GIPC3: variants seen among roughly 807,000 people sequenced by gnomAD.
GIPC3 encodes PDZ domain-containing protein GIPC3.
Under a neutral mutation model 27.3 loss-of-function variants are expected in GIPC3, and 16 were observed. The observed-to-expected ratio is 0.59, with a 90% CI of 0.40 to 0.89. The LOEUF (loss-of-function observed/expected upper bound fraction) is 0.89. Among genes scored for constraint, GIPC3 ranks in the 40% least tolerant of loss-of-function variants. The probability of loss-of-function intolerance (pLI) is 0.00; values close to 1 mark genes in which losing one functional copy is unlikely to be tolerated. For missense variants in GIPC3, 440 were observed against 442.1 expected, an observed-to-expected ratio of 1.00 and a Z score of 0.04; for synonymous variants, 194 against 184.6, an observed-to-expected ratio of 1.05 and a Z score of -0.41.
Position 3,591,878 on chromosome 19 carries a change from A to G in GIPC3, c.*1688A>G. Reference sequence around the variant, plus strand: ...GTGCCAAGCCCCACTCTCCTTGCACAATGCAGCTCAGCTCTAGAATGCAGT... The same window carrying G: ...GTGCCAAGCCCCACTCTCCTTGCACGATGCAGCTCAGCTCTAGAATGCAGT... On this transcript the variant is annotated 3_prime_UTR_variant, in exon 6 of 6. Coordinates refer to ENST00000644452, the MANE Select transcript of GIPC3 (RefSeq NM_133261.3). 1 of 1,232,584 alleles carries G rather than the reference A, an allele frequency of 8.1e-7. No individual in the cohort carries two copies. The highest frequency in any genetic ancestry group is 1.0e-6 in the Non-Finnish European group (1 of 988,426). The allele number at this position is 1,232,584 out of a possible 1,614,324, so 76.4% of individuals were successfully genotyped here. A position where few individuals can be genotyped will look rare whatever the true frequency, so the allele number is the denominator to read the frequency against.
chr19:3,592,944 A>G lies in GIPC3; in HGVS notation c.*2754A>G, dbSNP rs1322250649. 1 of 336,454 alleles carries G rather than the reference A, an allele frequency of 3.0e-6. No individual in the cohort carries two copies. The highest frequency in any genetic ancestry group is 1.0e-4 in the African/African-American group (1 of 9,664). The allele number at this position is 336,454 out of a possible 1,614,324, so 20.8% of individuals were successfully genotyped here. On this transcript the variant is annotated 3_prime_UTR_variant, in exon 6 of 6. Coordinates refer to ENST00000644452, the MANE Select transcript of GIPC3 (RefSeq NM_133261.3). Reference sequence around the variant, plus strand: ...ACCTCAGCCCCCAGGCCCATCCCCCAGAGACCCCACCCCAGCCCCTAGCAA... The same window carrying G: ...ACCTCAGCCCCCAGGCCCATCCCCCGGAGACCCCACCCCAGCCCCTAGCAA...
chr19:3,586,072 C>T (rs2032357920), intron 1 of GIPC3, among the ~76,000 whole-genome samples: 1 of 152,212 alleles, frequency 6.6e-6, no homozygotes, highest in Admixed American at 6.5e-5. Context: ...CCAGAAAATC[C>T]TCTGCGCAGA....
At position 3,590,272 on chromosome 19, in the gene GIPC3, C is replaced by A; in HGVS notation, c.*82C>A. 6.6e-7 allele frequency: 1 copy of A among 1,513,352 alleles called. No individual in the cohort carries two copies. Among genetic ancestry groups the A allele is most frequent in the East Asian group, 2.5e-5 (1 of 40,482 alleles). 93.7% of individuals were successfully genotyped at this position (1,513,352 alleles called of 1,614,324 possible). A position where few individuals can be genotyped will look rare whatever the true frequency, so the allele number is the denominator to read the frequency against. ...CCCTGCTCCAGAACCCAGCCCAGAT[C>A]GGAGGACAAGTTCCTCTCTAGAACC... On this transcript the variant is annotated 3_prime_UTR_variant, in exon 6 of 6. Coordinates refer to ENST00000644452, the MANE Select transcript of GIPC3 (RefSeq NM_133261.3).
Position 3,589,464 on chromosome 19 carries a change from G to A in GIPC3, c.614G>A (p.Arg205Gln), listed in dbSNP as rs201268436. The change falls in exon 4 of 6, where the codon CGG becomes CAG. Residue 205 changes from arginine (R) to glutamine (Q), a missense_variant. Physicochemically the swap from Arg to Gln is conservative, Grantham distance 43. Transcript: ENST00000644452. ...RAFDMIGQRS[R>Q]SSKCPVEAKV... ...CCAGATATGATTGGCCAGAGAAGTC[G>A]GTCCAGCAAATGTCCAGTAGAGGCG... 39 of 1,613,904 alleles carry A rather than the reference G, an allele frequency of 2.4e-5. No individual in the cohort carries two copies. The highest frequency in any genetic ancestry group is 1.7e-4 in the Admixed American group (10 of 60,000).
Position 3,592,379 on chromosome 19 carries a change from A to C in GIPC3, c.*2189A>C, listed in dbSNP as rs1183056378. 11 of 1,231,866 alleles carry C rather than the reference A, an allele frequency of 8.9e-6. No individual in the cohort carries two copies. The highest frequency in any genetic ancestry group is 1.1e-5 in the Non-Finnish European group (11 of 987,890). The allele number at this position is 1,231,866 out of a possible 1,614,324, so 76.3% of individuals were successfully genotyped here. On this transcript the variant is annotated 3_prime_UTR_variant, in exon 6 of 6. Transcript: ENST00000644452. ...CCAGCTCTGGGACCCAGATAAGCTCAAGAATTCAAGCCAGCTCTGGAAGTC... is the reference window on the plus strand; with the variant it reads ...CCAGCTCTGGGACCCAGATAAGCTCCAGAATTCAAGCCAGCTCTGGAAGTC...
In GIPC3 at chr19:3,590,058, G is replaced by A. The variant is rs141419242; in HGVS notation, c.807G>A (p.Thr269=). The A allele has an allele frequency of 2.6e-4, 418 of 1,612,260 alleles. No homozygotes were observed. The highest frequency in any genetic ancestry group is 1.8e-3 in the East Asian group (79 of 44,850). The change falls in exon 6 of 6, where the codon ACG becomes ACA. Residue 269 remains threonine, a synonymous_variant. Coordinates refer to ENST00000644452, the MANE Select transcript of GIPC3 (RefSeq NM_133261.3). ...CCGCAGCGTCCACCATGGTGGAGAC[G>A]TCCAAGAAGACAGCGAGCGCCCAGG... is the stretch of plus-strand genomic sequence containing the variant. ...DPELASTMVE[T]SKKTASAQEF...
At chr19:3,586,410 TG>T (rs954901277) in intron 1 of GIPC3, 84 bp from the exon 2 acceptor site, 17 of 1,261,388 alleles carry the variant, frequency 1.3e-5, no homozygotes, top group Non-Finnish European at 1.9e-5. Context: ...TCCTGGTCGC[TG>T]GGGGCAGGGG....
At position 3,590,941 on chromosome 19, in the gene GIPC3, A is replaced by G; in HGVS notation, c.*751A>G. 2 of 1,232,786 alleles carry G rather than the reference A, an allele frequency of 1.6e-6. No individual in the cohort carries two copies. The highest frequency in any genetic ancestry group is 2.0e-6 in the Non-Finnish European group (2 of 989,158). The allele number at this position is 1,232,786 out of a possible 1,614,324, so 76.4% of individuals were successfully genotyped here. A position where few individuals can be genotyped will look rare whatever the true frequency, so the allele number is the denominator to read the frequency against. On this transcript the variant is annotated 3_prime_UTR_variant, in exon 6 of 6. Coordinates refer to ENST00000644452, the MANE Select transcript of GIPC3 (RefSeq NM_133261.3). ...AGCTCTAGAACTCAGATGAGCTCTG[A>G]GACAGAGCCCAGTATTGAGACCAAG...
Position 3,590,746 on chromosome 19 carries a change from C to T in GIPC3, c.*556C>T, listed in dbSNP as rs188899760. ...TCTGAGACCATGCCCAGCTCTAGAA[C>T]TCAGATGGGCTCTGAGACCGAGCCC... is the stretch of plus-strand genomic sequence containing the variant. On this transcript the variant is annotated 3_prime_UTR_variant, in exon 6 of 6. Transcript: ENST00000644452. The T allele has an allele frequency of 9.7e-5, 112 of 1,153,074 alleles. 1 individual carries two copies. The highest frequency in any genetic ancestry group is 8.6e-4 in the African/African-American group (52 of 60,470). 71.4% of individuals were successfully genotyped at this position (1,153,074 alleles called of 1,614,324 possible). A position where few individuals can be genotyped will look rare whatever the true frequency, so the allele number is the denominator to read the frequency against.
intron 3 of GIPC3, 110 bp from the exon 4 acceptor site, chr19:3,589,333 C>A (rs190604379): frequency 2.5e-6 from 2 of 800,348 alleles, no homozygotes; most frequent in African/African-American, 1.7e-5. Flanking sequence ...GTAAGGAGGA[C>A]TTTGAAGGGG....
chr19:3,586,351 T>G lies in GIPC3; in HGVS notation c.226-144T>G, dbSNP rs894262755. 1.9e-5 allele frequency: 14 copies of G among 748,870 alleles called. No homozygotes were observed. In the African/African-American group the frequency reaches 2.1e-4, roughly 11 times the overall value. 46.4% of individuals were successfully genotyped at this position (748,870 alleles called of 1,614,324 possible). On this transcript the variant is annotated intron_variant, in intron 1 of 5. Transcript: ENST00000644452. ...CTGCTGGAAGTCTCCTTCTCCCTCC[T>G]CTCTCTGTTCTGGGGGTCCCACGCC...
Position 3,593,041 on chromosome 19 carries a change from G to A in GIPC3, c.*2851G>A. ...CAGGCCAGCCTTGGCCCCATCCCAG[G>A]CTTACCCCAAGCCTCCTACCTGGCC... On this transcript the variant is annotated 3_prime_UTR_variant, in exon 6 of 6. Coordinates refer to ENST00000644452, the MANE Select transcript of GIPC3 (RefSeq NM_133261.3). The A allele has an allele frequency of 8.1e-7, 1 of 1,231,812 alleles. No homozygotes were observed. The highest frequency in any genetic ancestry group is 1.0e-6 in the Non-Finnish European group (1 of 988,188). 76.3% of individuals were successfully genotyped at this position (1,231,812 alleles called of 1,614,324 possible).
intron 3 of GIPC3, 66 bp from the exon 4 acceptor site, chr19:3,589,377 C>G (rs1200455581): frequency 1.7e-6 from 2 of 1,209,790 alleles, no homozygotes; most frequent in Non-Finnish European, 2.5e-6. Flanking sequence ...CTGTTGGCCT[C>G]CCAGGGTTTA....
Position 3,593,408 on chromosome 19 carries a change from C to A in GIPC3, c.*3218C>A. 1.1e-6 allele frequency: 1 copy of A among 939,238 alleles called. No individual in the cohort carries two copies. The highest frequency in any genetic ancestry group is 1.4e-6 in the Non-Finnish European group (1 of 721,134). 58.2% of individuals were successfully genotyped at this position (939,238 alleles called of 1,614,324 possible). ...CCAGCAGGCGGTGGTAGGGAGTGTG[C>A]GGTGGTGAAAACAGGGGCTTCACCG... On this transcript the variant is annotated 3_prime_UTR_variant, in exon 6 of 6. Transcript: ENST00000644452.
intron 5 of GIPC3, 29 bp downstream of exon 5, chr19:3,589,941 C>CT (rs771290947): frequency 1.1e-5 from 18 of 1,613,410 alleles, no homozygotes; most frequent in South Asian, 5.5e-5. Flanking sequence ...CCAGGGGGCC[C>CT]TGGGGGGAGG....
chr19:3,589,047 A>G (rs2032431118), intron 3 of GIPC3, among the ~76,000 whole-genome samples: 1 of 152,020 alleles, frequency 6.6e-6, no homozygotes, highest in Non-Finnish European at 1.5e-5. Flanking sequence ...GCCAGCTCTG[A>G]GACTAAGTGT....
chr19:3,586,679 A>G lies in GIPC3; in HGVS notation c.410A>G (p.Lys137Arg), dbSNP rs371678561. Residue 137 changes from lysine (K) to arginine (R), a missense_variant and splice_region_variant, in exon 2 of 6, where the codon AAG becomes AGG. Lys to Arg is a conservative substitution (Grantham distance 26, BLOSUM62 2). Transcript: ENST00000644452. ...AACGGGGCTGGCTACGCCTTCATCAAGGTGCCCGGGAGGGGGTGGGCGGGT... is the reference window on the plus strand; with the variant it reads ...AACGGGGCTGGCTACGCCTTCATCAGGGTGCCCGGGAGGGGGTGGGCGGGT... ...TDNGAGYAFI[K>R]RIKEGSIINR... 4 of 733,754 alleles carry G rather than the reference A, an allele frequency of 5.5e-6. No homozygotes were observed. The highest frequency in any genetic ancestry group is 4.7e-5 in the African/African-American group (2 of 42,580). The allele number at this position is 733,754 out of a possible 1,614,324, so 45.5% of individuals were successfully genotyped here. A position where few individuals can be genotyped will look rare whatever the true frequency, so the allele number is the denominator to read the frequency against.
intron 1 of GIPC3, among the ~76,000 whole-genome samples, chr19:3,586,214 G>A (rs994495002): frequency 1.3e-5 from 2 of 152,172 alleles, no homozygotes; most frequent in Admixed American, 1.3e-4. Flanking sequence ...GGGGGTTCCT[G>A]GGCGTTTTTC....
rs1385486151 is a variant in GIPC3, at chr19:3,591,425, G to T, written c.*1235G>T. On this transcript the variant is annotated 3_prime_UTR_variant, in exon 6 of 6. Coordinates refer to ENST00000644452, the MANE Select transcript of GIPC3 (RefSeq NM_133261.3). ...CTAGCTCGGAGACCAAGCCCTGCTG[G>T]AAAACTCAAGCTGACTCTGGAACTC... is the stretch of plus-strand genomic sequence containing the variant. 3 of 1,232,300 alleles carry T rather than the reference G, an allele frequency of 2.4e-6. No individual in the cohort carries two copies. Among genetic ancestry groups the T allele is most frequent in the Non-Finnish European group, 3.0e-6 (3 of 988,154 alleles). The allele number at this position is 1,232,300 out of a possible 1,614,324, so 76.3% of individuals were successfully genotyped here.
Sources: allele counts gnomAD v4.1 joint callset (sites outside exome capture counted in the v4.1 genomes callset), GRCh38; gene constraint gnomAD v4.1.1; transcripts MANE v1.5; gene names NCBI Gene and HGNC (gene_info 2026-07-23, HGNC 2026-07-21).